The following ROS1 variants were observed in gnomAD, a reference collection of about 807,000 sequenced individuals.
The protein encoded by ROS1 is proto-oncogene tyrosine-protein kinase ROS.
In ROS1, 263 loss-of-function variants were observed where a neutral mutation model predicts 273.5. The ratio of observed to expected loss-of-function variants is 0.96; its 90% CI spans 0.87 to 1.06. The LOEUF (loss-of-function observed/expected upper bound fraction) is 1.06. Among genes scored for constraint, ROS1 ranks in the 50% least tolerant of loss-of-function variants. The probability of loss-of-function intolerance (pLI) is 0.00; values close to 1 mark genes in which losing one functional copy is unlikely to be tolerated. For missense variants in ROS1, 2,833 were observed against 2,751.1 expected (o/e 1.03, Z -0.67); for synonymous variants, 1,008 against 954.1 (o/e 1.06, Z -1.04).
At chr6:117,297,923 A>G (rs1390639658) in intron 43 of ROS1, among the ~76,000 whole-genome samples, 3 of 152,206 alleles carry the variant, frequency 2.0e-5, no homozygotes, top group South Asian at 4.1e-4. Flanking sequence ...TTACACTCAT[A>G]TGTTTATCAC....
chr6:117,318,051 A>C, intron 38 of ROS1, 137 bp downstream of exon 38: 1 of 673,018 alleles, frequency 1.5e-6, no homozygotes, highest in Non-Finnish European at 2.6e-6. Flanking sequence ...TGCTCTGCAG[A>C]TGTAGTTCCA....
rs1233317244 is a variant in ROS1, at chr6:117,385,836, G to C, written c.2136C>G (p.Leu712=). The change falls in exon 16 of 44, where the codon CTC becomes CTG. Residue 712 remains leucine, a synonymous_variant. Transcript: ENST00000368507. The part of the protein sequence containing the change: ...VSDMDWYNNS[L]YYSDTKGDVF... ...CGTCGCCTTTCGTGTCACTGTAGTA[G>C]AGGCTGTTGTTATACCAATCCATGT... 2 of 1,614,172 alleles carry C rather than the reference G, an allele frequency of 1.2e-6. No homozygotes were observed. Among genetic ancestry groups the C allele is most frequent in the Admixed American group, 3.3e-5 (2 of 60,026 alleles).
intron 1 of ROS1, among the ~76,000 whole-genome samples, chr6:117,424,758 T>C (rs1039404868): frequency 1.4e-4 from 22 of 152,200 alleles, no homozygotes; most frequent in African/African-American, 5.3e-4. Context: ...TACTTTAGAA[T>C]AATATAATGA....
At chr6:117,329,745 G>T (rs1776928810) in intron 32 of ROS1, among the ~76,000 whole-genome samples, 1 of 152,114 alleles carries the variant, frequency 6.6e-6, no homozygotes, top group East Asian at 1.9e-4. Flanking sequence ...ACCACACGGG[G>T]AAGGGGAACC....
chr6:117,320,028 G>C lies in ROS1; in HGVS notation c.5762C>G (p.Thr1921Ser), dbSNP rs1776181305. Residue 1921 changes from threonine (T) to serine (S), a missense_variant and splice_region_variant, in exon 37 of 44, where the codon ACT becomes AGT. Physicochemically the swap from Thr to Ser is moderately conservative, Grantham distance 58. Transcript: ENST00000368507. ...TTCAATCTCCTCTTGGGTTGGAAGAGTACTGTAAAATAGCAACATTTTTGT... is the reference window on the plus strand; with the variant it reads ...TTCAATCTCCTCTTGGGTTGGAAGACTACTGTAAAATAGCAACATTTTTGT... ...GLANACYAIHTLPTQEEIENL... is the reference protein window; with the variant it reads ...GLANACYAIHSLPTQEEIENL... 6.2e-7 allele frequency: 1 copy of C among 1,612,754 alleles called. No homozygotes were observed. Among genetic ancestry groups the C allele is most frequent in the Non-Finnish European group, 8.5e-7 (1 of 1,179,308 alleles).
At chr6:117,305,414 C>T (rs1018814454) in intron 42 of ROS1, among the ~76,000 whole-genome samples, 5 of 152,156 alleles carry the variant, frequency 3.3e-5, no homozygotes, top group Admixed American at 3.3e-4. Context: ...AAAAGTTCAG[C>T]CTCTTGTTTA....
chr6:117,323,816 A>T (rs941943280), intron 35 of ROS1, among the ~76,000 whole-genome samples: 5 of 152,108 alleles, frequency 3.3e-5, no homozygotes, highest in African/African-American at 1.2e-4. Flanking sequence ...AGCAGATCAG[A>T]TGTCTGAAAG....
At chr6:117,397,911 G>A (rs1035627598) in intron 7 of ROS1, among the ~76,000 whole-genome samples, 6 of 152,158 alleles carry the variant, frequency 3.9e-5, no homozygotes, top group Non-Finnish European at 8.8e-5. Context: ...ACAATTAGAA[G>A]TTACTTTGCT....
chr6:117,395,625 C>T (rs1773429802), intron 9 of ROS1, among the ~76,000 whole-genome samples: 1 of 152,136 alleles, frequency 6.6e-6, no homozygotes, highest in African/African-American at 2.4e-5. Context: ...ATTTTGCTCA[C>T]ACATATATCA....
At chr6:117,411,951 T>A (rs1352989585) in intron 4 of ROS1, among the ~76,000 whole-genome samples, 1 of 152,148 alleles carries the variant, frequency 6.6e-6, no homozygotes, top group African/African-American at 2.4e-5. Context: ...CAGGTATAAC[T>A]AGGCAGAGAA....
chr6:117,338,991 C>T (rs1777691488), intron 31 of ROS1, among the ~76,000 whole-genome samples: 2 of 152,106 alleles, frequency 1.3e-5, no homozygotes, highest in African/African-American at 2.4e-5. Flanking sequence ...AATGGACTTC[C>T]GTGAAAAAAA....
In ROS1 at chr6:117,408,464, T is replaced by A. The variant is rs569470461; in HGVS notation, c.316+1118A>T. On this transcript the variant is annotated intron_variant, in intron 5 of 43. Transcript: ENST00000368507. ...TGCAGCCAAAAAACACATGAAAAAATGCTCATCATCACTGGCCATCAGAGA... is the reference window on the plus strand; with the variant it reads ...TGCAGCCAAAAAACACATGAAAAAAAGCTCATCATCACTGGCCATCAGAGA... 5.9e-5 allele frequency among the ~76,000 whole-genome samples: 9 copies of A among 152,192 alleles called. No individual in the cohort carries two copies. In the South Asian group the frequency reaches 1.9e-3, roughly 32 times the overall value.
At chr6:117,396,877 T>C in intron 8 of ROS1, 38 bp downstream of exon 8, 2 of 1,403,938 alleles carry the variant, frequency 1.4e-6, no homozygotes, top group Non-Finnish European at 2.0e-6. Context: ...CCTGCAGCCA[T>C]GCTGGTTACA....
chr6:117,342,523 G>C lies in ROS1; in HGVS notation c.4528C>G (p.Leu1510Val). ...GAAAATGGTTGTAAATCTTCAATAA[G>C]AGCTATACTGTCCTGAAATTCCTGT... is the stretch of plus-strand genomic sequence containing the variant. ...RILEFQDSIALIEDLQPFSTY... is the reference protein window; with the variant it reads ...RILEFQDSIAVIEDLQPFSTY... The change falls in exon 29 of 44, where the codon CTT becomes GTT. Residue 1510 changes from leucine (L) to valine (V), a missense_variant. Physicochemically the swap from Leu to Val is conservative, Grantham distance 32. Transcript: ENST00000368507. The C allele has an allele frequency of 6.4e-7, 1 of 1,569,826 alleles. No homozygotes were observed. Among genetic ancestry groups the C allele is most frequent in the Non-Finnish European group, 8.7e-7 (1 of 1,153,386 alleles).
At chr6:117,326,161 A>G (rs2128581357) in intron 34 of ROS1, 63 bp downstream of exon 34, 1 of 772,368 alleles carries the variant, frequency 1.3e-6, no homozygotes. Flanking sequence ...TTAAGAATGT[A>G]CTGATATTTA....
chr6:117,306,024 C>T (rs1775070155), intron 42 of ROS1, among the ~76,000 whole-genome samples: 1 of 142,906 alleles, frequency 7.0e-6, no homozygotes. Flanking sequence ...CAACTCTTCT[C>T]CTCAAGTTTT....
chr6:117,412,999 G>A (rs1442126427), intron 4 of ROS1, among the ~76,000 whole-genome samples: 3 of 152,032 alleles, frequency 2.0e-5, no homozygotes, highest in Admixed American at 2.0e-4. Context: ...CTTTACATAT[G>A]GGTGACTTTT....
rs2128520396 is a variant in ROS1, at chr6:117,288,470, C to T, written c.*22G>A. 1 of 1,583,646 alleles carries T rather than the reference C, an allele frequency of 6.3e-7. No homozygotes were observed. On this transcript the variant is annotated 3_prime_UTR_variant, in exon 44 of 44. Transcript: ENST00000368507. Reference sequence around the variant, plus strand: ...CTGAATGAGAGTGTTTATCTCAACTCTCTATTTCCCAAACAACGCTATTAA... The same window carrying T: ...CTGAATGAGAGTGTTTATCTCAACTTTCTATTTCCCAAACAACGCTATTAA...
At chr6:117,395,854 GA>G (rs3839366) in intron 9 of ROS1, among the ~76,000 whole-genome samples, 9,779 of 152,100 alleles carry the variant, frequency 0.064, 380 homozygotes, top group Middle Eastern at 0.099. Context: ...GATTAGGGCA[GA>G]AAAGTTATAT....
Sources: gnomAD v4.1 joint callset for allele counts (sites outside exome capture counted in the v4.1 genomes callset) on GRCh38, gnomAD v4.1.1 for gene constraint, MANE v1.5 for transcripts, NCBI Gene and HGNC (gene_info 2026-07-23, HGNC 2026-07-21) for gene names.